The following YES1 variants were observed in gnomAD, a reference collection of about 807,000 sequenced individuals.
YES1 encodes YES proto-oncogene 1, Src family tyrosine kinase.
In YES1, 39 loss-of-function variants were observed where a neutral mutation model predicts 70.4. That is an observed-to-expected ratio of 0.55 (90% CI 0.43 to 0.72). The LOEUF is 0.72. Among genes scored for constraint, YES1 ranks in the 30% least tolerant of loss-of-function variants. The pLI is 0.00. For synonymous variants in YES1, 198 were observed against 218.6 expected, an observed-to-expected ratio of 0.91 and a Z score of 0.83; for missense variants, 495 against 644.8, an observed-to-expected ratio of 0.77 and a Z score of 2.52.
chr18:792,963 T>G (rs1488038995), intron 1 of YES1, among the ~76,000 whole-genome samples: 1 of 151,846 alleles, frequency 6.6e-6, no homozygotes, highest in Non-Finnish European at 1.5e-5. Flanking sequence ...TCTATAAAGT[T>G]CAAGTCAACT....
chr18:743,236 A>T (rs1568191384), intron 7 of YES1, 24 bp downstream of exon 7: 1 of 1,599,946 alleles, frequency 6.3e-7, no homozygotes, highest in Admixed American at 1.7e-5. Flanking sequence ...ACAATGACAG[A>T]AAACAAAAAT....
intron 11 of YES1, among the ~76,000 whole-genome samples, chr18:726,459 G>T (rs897880488): frequency 6.6e-6 from 1 of 150,674 alleles, no homozygotes; most frequent in South Asian, 2.1e-4. Flanking sequence ...TCACTCTTCA[G>T]AATTTTCTGA....
At chr18:749,392 G>A (rs1442964168) in intron 3 of YES1, among the ~76,000 whole-genome samples, 1 of 151,864 alleles carries the variant, frequency 6.6e-6, no homozygotes, top group Non-Finnish European at 1.5e-5. Flanking sequence ...CAGTTACTCA[G>A]GAGACTGAGG....
intron 1 of YES1, chr18:775,199 G>A (rs960042920): frequency 5.9e-5 from 9 of 152,076 alleles, no homozygotes; most frequent in African/African-American, 1.9e-4. Flanking sequence ...CTAACATAGT[G>A]GCTGGTATTT....
intron 3 of YES1, among the ~76,000 whole-genome samples, chr18:748,945 G>A (rs1382490901): frequency 6.6e-6 from 1 of 152,144 alleles, no homozygotes; most frequent in Non-Finnish European, 1.5e-5. Context: ...CAGATCACCT[G>A]AGGTCCAGAG....
chr18:789,608 C>G (rs1568215589), intron 1 of YES1, among the ~76,000 whole-genome samples: 1 of 151,882 alleles, frequency 6.6e-6, no homozygotes, highest in Non-Finnish European at 1.5e-5. Flanking sequence ...ACCCCCAAAA[C>G]AAAAAAACCC....
In YES1 at chr18:756,721, G is replaced by A. The variant is rs563453845; in HGVS notation, c.107C>T (p.Pro36Leu). 1.3e-4 allele frequency: 216 copies of A among 1,614,164 alleles called. 5 individuals are homozygous for A. The South Asian group carries it at 1.4e-3, about 11-fold the overall frequency. ...STSVSHYGAE[P>L]TTVSPCPSSS... ...TGACGGACATGGTGACACTGTAGTG[G>A]GTTCTGCTCCATAATGGCTCACACT... The change falls in exon 2 of 12, where the codon CCC (proline) becomes CTC (leucine). Residue 36 changes from proline to leucine, a missense_variant. Around this residue, in one of 2 missense-constraint regions of YES1, gnomAD observed 110 missense variants for 104.0 expected, o/e 1.06. Coordinates refer to ENST00000314574, the MANE Select transcript of YES1 (RefSeq NM_005433.4).
At chr18:789,419 C>A (rs1198576132) in intron 1 of YES1, among the ~76,000 whole-genome samples, 1 of 151,758 alleles carries the variant, frequency 6.6e-6, no homozygotes. Flanking sequence ...CCTGTCTCTA[C>A]AGAAAATTTA....
At chr18:726,339 C>T (rs1325466867) in intron 11 of YES1, among the ~76,000 whole-genome samples, 6 of 151,660 alleles carry the variant, frequency 4.0e-5, no homozygotes, top group Non-Finnish European at 7.4e-5. Context: ...GCAGGAGAAT[C>T]GCTTGAACCT....
At chr18:757,427 C>T (rs1188433966) in intron 1 of YES1, among the ~76,000 whole-genome samples, 2 of 149,182 alleles carry the variant, frequency 1.3e-5, no homozygotes, top group African/African-American at 2.5e-5. Context: ...GGCGTGAACC[C>T]GGGAGGCGGA....
rs760385335 is a variant in YES1, at chr18:746,018, A to G, written c.504T>C (p.Ala168=). ...TTCCAGGATTCAAAAGTAATCTTTC[A>G]GCATCTTTTCTCCCCATTTTGCCAA... ...WYFGKMGRKD[A]ERLLLNPGNQ... The change falls in exon 5 of 12, where the codon GCT becomes GCC. Residue 168 remains alanine (A), a synonymous_variant. Transcript: ENST00000314574. 1.2e-6 allele frequency: 2 copies of G among 1,612,728 alleles called. No individual in the cohort carries two copies. Among genetic ancestry groups the G allele is most frequent in the Non-Finnish European group, 8.5e-7 (1 of 1,179,640 alleles).
At chr18:764,990 T>A (rs896495641) in intron 1 of YES1, among the ~76,000 whole-genome samples, 2 of 151,746 alleles carry the variant, frequency 1.3e-5, no homozygotes, top group African/African-American at 4.8e-5. Flanking sequence ...CGCCTTAGCC[T>A]CCCAAAGGGC....
At chr18:794,652 CCCT>C (rs1906445633) in intron 1 of YES1, among the ~76,000 whole-genome samples, 1 of 152,126 alleles carries the variant, frequency 6.6e-6, no homozygotes, top group Non-Finnish European at 1.5e-5. Flanking sequence ...GCTATGCTCC[CCCT>C]GACACTCTGG....
At chr18:734,206 G>A (rs998144764) in intron 10 of YES1, among the ~76,000 whole-genome samples, 2 of 151,810 alleles carry the variant, frequency 1.3e-5, no homozygotes, top group Non-Finnish European at 2.9e-5. Context: ...TTGAACCTGG[G>A]GGGCAGAGGT....
At position 723,481 on chromosome 18, in the gene YES1, C is replaced by T. The variant is rs1161500566; in HGVS notation, c.*943G>A. ...GCAAAAGTGCATTCAAGTCCCTGAT[C>T]TGGTCATATTTTCTATTTGTGGCAC... On this transcript the variant is annotated 3_prime_UTR_variant, in exon 12 of 12. Coordinates refer to ENST00000314574, the MANE Select transcript of YES1 (RefSeq NM_005433.4). 1 of 152,612 alleles carries T rather than the reference C, an allele frequency of 6.6e-6. No individual in the cohort carries two copies. Among genetic ancestry groups the T allele is most frequent in the Non-Finnish European group, 1.5e-5 (1 of 68,018 alleles). The allele number at this position is 152,612 out of a possible 1,614,324, so 9.5% of individuals were successfully genotyped here.
intron 1 of YES1, among the ~76,000 whole-genome samples, chr18:783,224 A>G (rs1905765153): frequency 6.6e-6 from 1 of 152,206 alleles, no homozygotes; most frequent in African/African-American, 2.4e-5. Context: ...CTCTTAAAAA[A>G]TAAATAAATA....
intron 1 of YES1, among the ~76,000 whole-genome samples, chr18:791,251 G>GAAA (rs1165254118): frequency 2.4e-5 from 2 of 82,320 alleles, no homozygotes; most frequent in Non-Finnish European, 5.3e-5. Flanking sequence ...ACTTGAAGAA[G>GAAA]AAAAAAAAAA....
At chr18:747,058 A>G (rs932231437) in intron 4 of YES1, among the ~76,000 whole-genome samples, 5 of 152,250 alleles carry the variant, frequency 3.3e-5, no homozygotes, top group Non-Finnish European at 5.9e-5. Flanking sequence ...AAATGAAGAC[A>G]TTAACAGTCA....
chr18:767,687 A>G (rs549303827), intron 1 of YES1, among the ~76,000 whole-genome samples: 1 of 151,994 alleles, frequency 6.6e-6, no homozygotes, highest in African/African-American at 2.4e-5. Flanking sequence ...TATAATATAA[A>G]GCCTCCAGTT....
Sources: gnomAD v4.1 joint callset for allele counts (sites outside exome capture counted in the v4.1 genomes callset) on GRCh38, gnomAD v4.1.1 for gene constraint, gnomAD v4.1.1 regional missense constraint, MANE v1.5 for transcripts, NCBI Gene and HGNC (gene_info 2026-07-23, HGNC 2026-07-21) for gene names.